The following CHD6 variants were observed in gnomAD, a reference collection of about 807,000 sequenced individuals.
CHD6 encodes chromodomain helicase DNA binding protein 6.
A neutral mutation model predicts 276.9 loss-of-function variants in CHD6; 50 were observed. The observed-to-expected ratio is 0.18, with a 90% CI of 0.14 to 0.23. The LOEUF (loss-of-function observed/expected upper bound fraction) is 0.23, where lower values mean the gene tolerates loss of function less well. Ranked by LOEUF, CHD6 falls within the 10% of genes least tolerant of loss-of-function variation. CHD6 has a pLI of 1.00. For missense variants in CHD6, 2,564 were observed against 3,365.8 expected, an observed-to-expected ratio of 0.76 and a Z score of 5.89; for synonymous variants, 1,173 against 1,229.3, an observed-to-expected ratio of 0.95 and a Z score of 0.96.
At chr20:41,419,655 C>T (rs1241669391) in intron 31 of CHD6, among the ~76,000 whole-genome samples, 1 of 145,404 alleles carries the variant, frequency 6.9e-6, no homozygotes, top group Non-Finnish European at 1.5e-5. Flanking sequence ...AAAATCAGTG[C>T]TCCAGAAAGG....
chr20:41,522,513 A>G (rs1185325134), intron 3 of CHD6, among the ~76,000 whole-genome samples: 1 of 152,192 alleles, frequency 6.6e-6, no homozygotes, highest in African/African-American at 2.4e-5. Context: ...CTTATTAGTT[A>G]TAAGGGAACG....
intron 1 of CHD6, among the ~76,000 whole-genome samples, chr20:41,560,440 C>T (rs1044829325): frequency 2.6e-5 from 4 of 152,166 alleles, no homozygotes; most frequent in Admixed American, 6.5e-5. Context: ...TCATGTTCTC[C>T]GGGATGTCTT....
At chr20:41,497,109 G>C (rs1434234365) in intron 8 of CHD6, 1 of 352,138 alleles carries the variant, frequency 2.8e-6, no homozygotes, top group Non-Finnish European at 5.3e-6. Flanking sequence ...AAAGAATTGT[G>C]TGCGTATTCC....
intron 33 of CHD6, 146 bp downstream of exon 33, chr20:41,416,442 C>G: frequency 1.5e-6 from 1 of 678,488 alleles, no homozygotes; most frequent in South Asian, 1.9e-5. Flanking sequence ...AGGATAAAGT[C>G]TAAATTCCCC....
intron 16 of CHD6, among the ~76,000 whole-genome samples, chr20:41,480,343 T>G (rs747050671): frequency 1.4e-4 from 22 of 152,166 alleles, no homozygotes; most frequent in Non-Finnish European, 2.8e-4. Context: ...ACCAGAGATT[T>G]AGACAACCAG....
chr20:41,537,383 T>A (rs1001725936), intron 2 of CHD6, among the ~76,000 whole-genome samples: 3 of 152,220 alleles, frequency 2.0e-5, no homozygotes, highest in Non-Finnish European at 4.4e-5. Context: ...TTGTGTTGTG[T>A]TAGGTCTTGT....
intron 36 of CHD6, among the ~76,000 whole-genome samples, chr20:41,409,583 G>A (rs749250637): frequency 1.3e-5 from 2 of 152,152 alleles, no homozygotes; most frequent in South Asian, 4.1e-4. Context: ...TCCAACAAAC[G>A]CACGCTGGGT....
At chr20:41,589,512 C>T (rs1489145119) in intron 1 of CHD6, among the ~76,000 whole-genome samples, 2 of 152,234 alleles carry the variant, frequency 1.3e-5, no homozygotes, top group African/African-American at 4.8e-5. Flanking sequence ...TAAGCAACTT[C>T]AGCAAAGTCG....
intron 14 of CHD6, chr20:41,485,961 A>G (rs549778944): frequency 6.6e-6 from 1 of 152,144 alleles, no homozygotes; most frequent in South Asian, 2.1e-4. Flanking sequence ...ATAAAGCCAA[A>G]AAATTTAAAA....
At chr20:41,479,442 A>G (rs2043244751) in intron 16 of CHD6, among the ~76,000 whole-genome samples, 1 of 152,168 alleles carries the variant, frequency 6.6e-6, no homozygotes, top group Non-Finnish European at 1.5e-5. Context: ...GCACACAGGG[A>G]GCAGCAATGT....
At chr20:41,463,737 C>T (rs551225741) in intron 17 of CHD6, among the ~76,000 whole-genome samples, 146 of 152,258 alleles carry the variant, frequency 9.6e-4, no homozygotes, top group African/African-American at 3.3e-3. Flanking sequence ...TAATGGGTGA[C>T]CCTGGATTGA....
chr20:41,433,932 T>G (rs1214434231), intron 27 of CHD6, among the ~76,000 whole-genome samples: 2 of 151,966 alleles, frequency 1.3e-5, no homozygotes, highest in African/African-American at 4.8e-5. Context: ...CTAGAAGCAT[T>G]AAAAAGCTAC....
At chr20:41,484,864 T>TAA (rs1452172114) in intron 14 of CHD6, among the ~76,000 whole-genome samples, 15 of 152,156 alleles carry the variant, frequency 9.9e-5, no homozygotes, top group Non-Finnish European at 7.4e-5. Context: ...GAGAAAGGTA[T>TAA]AAAAGAGTAC....
At chr20:41,520,872 T>A in intron 3 of CHD6, among the ~76,000 whole-genome samples, 1 of 152,126 alleles carries the variant, frequency 6.6e-6, no homozygotes, top group East Asian at 1.9e-4. Flanking sequence ...TCTAAAGATA[T>A]TTAAGTGAAA....
At chr20:41,472,949 A>G in intron 17 of CHD6, 1 of 192,642 alleles carries the variant, frequency 5.2e-6, no homozygotes, top group Non-Finnish European at 1.1e-5. Flanking sequence ...ACTGTACATG[A>G]CACATGACCA....
intron 16 of CHD6, among the ~76,000 whole-genome samples, 182 bp downstream of exon 16, chr20:41,483,127 T>A (rs1378084075): frequency 6.6e-6 from 1 of 152,208 alleles, no homozygotes; most frequent in Non-Finnish European, 1.5e-5. Context: ...TCTTGACAGT[T>A]AAACTTGGGT....
At chr20:41,481,841 T>C (rs1206958991) in intron 16 of CHD6, among the ~76,000 whole-genome samples, 3 of 151,826 alleles carry the variant, frequency 2.0e-5, no homozygotes, top group Admixed American at 1.3e-4. Context: ...AATTTCATAA[T>C]ATATTAAATA....
In CHD6 at chr20:41,454,654, T is replaced by C. The variant is rs750662011; in HGVS notation, c.3092A>G (p.Glu1031Gly). Residue 1031 changes from glutamate (E) to glycine (G), a missense_variant, in exon 20 of 37, where the codon GAA becomes GGA. Physicochemically the swap from Glu to Gly is moderately conservative, Grantham distance 98. Transcript: ENST00000373233. ...NFWQKWAKIAELDTEAKNEKE... is the reference protein window; with the variant it reads ...NFWQKWAKIAGLDTEAKNEKE... Reference sequence around the variant, plus strand: ...TTCATTCTTTGCTTCAGTGTCTAGTTCAGCTATTTTAGCCCATTTCTGCCA... The same window carrying C: ...TTCATTCTTTGCTTCAGTGTCTAGTCCAGCTATTTTAGCCCATTTCTGCCA... The C allele has an allele frequency of 1.3e-5, 21 of 1,613,726 alleles. No homozygotes were observed. The highest frequency in any genetic ancestry group is 1.8e-5 in the Non-Finnish European group (21 of 1,179,736).
chr20:41,450,524 A>G (rs954671343), intron 23 of CHD6, among the ~76,000 whole-genome samples: 3 of 151,874 alleles, frequency 2.0e-5, no homozygotes, highest in Non-Finnish European at 4.4e-5. Context: ...TACAAAGCAT[A>G]CTATCTCAAA....
Sources: gnomAD v4.1 joint callset for allele counts (sites outside exome capture counted in the v4.1 genomes callset) on GRCh38, gnomAD v4.1.1 for gene constraint, MANE v1.5 for transcripts, NCBI Gene and HGNC (gene_info 2026-07-23, HGNC 2026-07-21) for gene names.